Variants in RYK observed in about 807,000 individuals in gnomAD.
RYK encodes inactive tyrosine-protein kinase RYK.
A neutral mutation model predicts 70.2 loss-of-function variants in RYK; 21 were observed. The ratio of observed to expected loss-of-function variants is 0.30; its 90% CI spans 0.21 to 0.43. The LOEUF is 0.43. RYK is among the 20% of genes least tolerant of loss of function. The pLI is 1.00. For synonymous variants in RYK, 267 were observed against 278.0 expected (o/e 0.96, Z 0.39); for missense variants, 604 against 753.3 (o/e 0.80, Z 2.32).
chr3:134,221,739 A>C (rs1469864601), intron 2 of RYK, among the ~76,000 whole-genome samples: 1 of 152,148 alleles, frequency 6.6e-6, no homozygotes, highest in Non-Finnish European at 1.5e-5. Flanking sequence ...ATAAAATCCT[A>C]TTCAAAAGCC....
intron 1 of RYK, among the ~76,000 whole-genome samples, chr3:134,241,783 C>T (rs1334959018): frequency 6.6e-6 from 1 of 152,194 alleles, no homozygotes; most frequent in African/African-American, 2.4e-5. Context: ...TGACCTACAG[C>T]AAATTCTGTT....
intron 5 of RYK, among the ~76,000 whole-genome samples, chr3:134,204,108 C>A (rs556529961): frequency 2.6e-5 from 4 of 152,252 alleles, no homozygotes; most frequent in South Asian, 2.1e-4. Flanking sequence ...AACATTTATT[C>A]TTTTTTGAGA....
chr3:134,175,355 A>C (rs1209449044), intron 13 of RYK, among the ~76,000 whole-genome samples: 1 of 151,952 alleles, frequency 6.6e-6, no homozygotes, highest in Non-Finnish European at 1.5e-5. Flanking sequence ...AAAAAAAAAA[A>C]AAAAAAAGTG....
chr3:134,243,712 T>C (rs77312849), intron 1 of RYK, among the ~76,000 whole-genome samples: 2,896 of 152,296 alleles, frequency 0.019, 98 homozygotes, highest in African/African-American at 0.066. Context: ...ATCAAATTCA[T>C]CCTTCAAGAT....
intron 1 of RYK, among the ~76,000 whole-genome samples, chr3:134,234,790 G>A (rs1487854186): frequency 6.6e-6 from 1 of 152,060 alleles, no homozygotes; most frequent in African/African-American, 2.4e-5. Context: ...CTATGCTTCA[G>A]GATGAAGGTA....
intron 13 of RYK, among the ~76,000 whole-genome samples, chr3:134,161,338 G>T (rs2012464296): frequency 6.6e-6 from 1 of 152,142 alleles, no homozygotes; most frequent in Non-Finnish European, 1.5e-5. Flanking sequence ...GATATTGTGG[G>T]CTGGAGGATT....
At chr3:134,217,287 C>A (rs961560365) in intron 2 of RYK, among the ~76,000 whole-genome samples, 1 of 152,176 alleles carries the variant, frequency 6.6e-6, no homozygotes, top group Non-Finnish European at 1.5e-5. Flanking sequence ...AGCTTGAGAG[C>A]CACGGCCCTC....
chr3:134,187,245 G>A (rs2013494483), intron 9 of RYK, among the ~76,000 whole-genome samples: 1 of 152,016 alleles, frequency 6.6e-6, no homozygotes, highest in African/African-American at 2.4e-5. Flanking sequence ...TGTTAGATTG[G>A]TATAACCCAA....
chr3:134,183,140 T>C (rs370024920), intron 9 of RYK, 69 bp from the exon 10 acceptor site: 31 of 860,094 alleles, frequency 3.6e-5, no homozygotes, highest in Middle Eastern at 5.5e-4. Context: ...TTTTCTGCTA[T>C]TAGTAAATAA....
At chr3:134,244,437 TAA>T (rs904796726) in intron 1 of RYK, among the ~76,000 whole-genome samples, 1 of 152,158 alleles carries the variant, frequency 6.6e-6, no homozygotes, top group African/African-American at 2.4e-5. Flanking sequence ...CCAGAGCTGA[TAA>T]AGAGACAGTA....
At chr3:134,166,739 T>C (rs1239196745) in intron 13 of RYK, among the ~76,000 whole-genome samples, 1 of 152,172 alleles carries the variant, frequency 6.6e-6, no homozygotes, top group East Asian at 1.9e-4. Context: ...GTTTACAAGA[T>C]TTTATCAGTA....
At chr3:134,247,845 G>T (rs1403039416) in intron 1 of RYK, among the ~76,000 whole-genome samples, 3 of 151,976 alleles carry the variant, frequency 2.0e-5, no homozygotes, top group Non-Finnish European at 4.4e-5. Context: ...TTCTTACTTG[G>T]AACTCTAAAC....
At chr3:134,222,932 G>C (rs927872232) in intron 1 of RYK, among the ~76,000 whole-genome samples, 1 of 152,162 alleles carries the variant, frequency 6.6e-6, no homozygotes, top group Admixed American at 6.5e-5. Context: ...GATTCAAAAT[G>C]AAAGGGAGAA....
At chr3:134,246,218 C>T (rs762397115) in intron 1 of RYK, among the ~76,000 whole-genome samples, 1 of 148,568 alleles carries the variant, frequency 6.7e-6, no homozygotes, top group Non-Finnish European at 1.5e-5. Flanking sequence ...CAAAGAAATA[C>T]GTAAGACATG....
intron 1 of RYK, among the ~76,000 whole-genome samples, chr3:134,238,812 T>C (rs952424738): frequency 1.1e-4 from 17 of 152,194 alleles, no homozygotes; most frequent in African/African-American, 3.9e-4. Context: ...CTGAAAACTA[T>C]ACTGTATATA....
chr3:134,244,848 G>A (rs936277903), intron 1 of RYK, among the ~76,000 whole-genome samples: 1 of 152,194 alleles, frequency 6.6e-6, no homozygotes, highest in Non-Finnish European at 1.5e-5. Context: ...CCCTTTGGGA[G>A]GTGATTAGCT....
At chr3:134,215,974 T>G (rs1477934108) in intron 2 of RYK, among the ~76,000 whole-genome samples, 1 of 147,312 alleles carries the variant, frequency 6.8e-6, no homozygotes, top group Non-Finnish European at 1.5e-5. Context: ...GGGCGGAGGA[T>G]GTAGTGAGCC....
intron 10 of RYK, among the ~76,000 whole-genome samples, chr3:134,182,568 G>C (rs546229353): frequency 3.2e-4 from 49 of 152,028 alleles, no homozygotes; most frequent in Non-Finnish European, 6.3e-4. Context: ...ACACAACACA[G>C]AAAATATGGC....
At chr3:134,186,069 T>C (rs1251438161) in intron 9 of RYK, among the ~76,000 whole-genome samples, 1 of 152,210 alleles carries the variant, frequency 6.6e-6, no homozygotes, top group East Asian at 1.9e-4. Flanking sequence ...GTTACAAGGA[T>C]GCACAAAATG....
Sources: allele counts gnomAD v4.1 joint callset (sites outside exome capture counted in the v4.1 genomes callset), GRCh38; gene constraint gnomAD v4.1.1; transcripts MANE v1.5; gene names NCBI Gene and HGNC (gene_info 2026-07-23, HGNC 2026-07-21).